The following RABIF variants were observed in gnomAD, a reference collection of about 807,000 sequenced individuals.
RABIF encodes RAB interacting factor, also known as guanine nucleotide exchange factor MSS4.
A neutral mutation model predicts 12.3 loss-of-function variants in RABIF; 13 were observed. The observed-to-expected ratio is 1.06, with a 90% CI of 0.69 to 1.68. RABIF has a LOEUF of 1.68. RABIF is among the 40% of genes most tolerant of loss of function. The probability of loss-of-function intolerance (pLI) is 0.00; values close to 1 mark genes in which losing one functional copy is unlikely to be tolerated. For missense variants in RABIF, 153 were observed against 158.0 expected, an observed-to-expected ratio of 0.97 and a Z score of 0.17; for synonymous variants, 70 against 63.3, an observed-to-expected ratio of 1.11 and a Z score of -0.50.
intron 1 of RABIF, among the ~76,000 whole-genome samples, chr1:202,885,402 G>A (rs1659546722): frequency 6.6e-6 from 1 of 152,224 alleles, no homozygotes; most frequent in African/African-American, 2.4e-5. Flanking sequence ...ACTGGGTGGA[G>A]CGAGAGAGAA....
chr1:202,883,528 T>C (rs777314893), intron 1 of RABIF, among the ~76,000 whole-genome samples: 1 of 152,242 alleles, frequency 6.6e-6, no homozygotes, highest in Admixed American at 6.5e-5. Context: ...TTATCCCCTA[T>C]ACTGTAGGTG....
intron 1 of RABIF, among the ~76,000 whole-genome samples, chr1:202,881,607 C>T (rs1659492610): frequency 1.3e-5 from 2 of 152,170 alleles, no homozygotes; most frequent in Non-Finnish European, 2.9e-5. Context: ...TGGGGTTTCA[C>T]CGTGTTAGCC....
At chr1:202,888,624 T>C (rs1659599682) in intron 1 of RABIF, among the ~76,000 whole-genome samples, 1 of 152,106 alleles carries the variant, frequency 6.6e-6, no homozygotes, top group Non-Finnish European at 1.5e-5. Context: ...AGAGCCGGAA[T>C]GGGGCGCCTC....
chr1:202,887,311 A>G (rs920134551), intron 1 of RABIF, among the ~76,000 whole-genome samples: 1 of 151,186 alleles, frequency 6.6e-6, no homozygotes, highest in Non-Finnish European at 1.5e-5. Flanking sequence ...CCCAACACAA[A>G]TTCGGAAACT....
intron 1 of RABIF, among the ~76,000 whole-genome samples, chr1:202,888,139 G>C (rs1183749951): frequency 6.6e-6 from 1 of 152,142 alleles, no homozygotes; most frequent in Non-Finnish European, 1.5e-5. Flanking sequence ...AAAATGATCT[G>C]CATATTTTTA....
chr1:202,881,988 T>A (rs1158818846), intron 1 of RABIF, among the ~76,000 whole-genome samples: 2 of 152,258 alleles, frequency 1.3e-5, no homozygotes, highest in African/African-American at 2.4e-5. Context: ...TTAAATAGTT[T>A]TATTGAGGTA....
chr1:202,888,973 C>T lies in RABIF; in HGVS notation c.126G>A (p.Gln42=). The T allele has an allele frequency of 3.2e-6, 5 of 1,560,150 alleles. No individual in the cohort carries two copies. The highest frequency in any genetic ancestry group is 4.3e-6 in the Non-Finnish European group (5 of 1,152,312). The change falls in exon 1 of 2, where the codon CAG becomes CAA. Residue 42 remains glutamine, a splice_region_variant and synonymous_variant. Transcript: ENST00000367262. ...AACGGCCTCCAACCTGCCTCCCTAC[C>T]TGTCGGCGAGAGAAGAGAGCGGTCC... ...QPGTALFSRR[Q]LFLPSMRKKP...
rs555087204 is a variant in RABIF, at chr1:202,882,367, G to A, written c.127-1144C>T. 2.6e-5 allele frequency among the ~76,000 whole-genome samples: 4 copies of A among 152,238 alleles called. No homozygotes were observed. The South Asian group carries it at 6.2e-4, about 24-fold the overall frequency. Reference sequence around the variant, plus strand: ...CCACTGCTCTCCAGCCTGGGCGACAGAGCGAGACTCTGTCTCAAAAACAAC... The same window carrying A: ...CCACTGCTCTCCAGCCTGGGCGACAAAGCGAGACTCTGTCTCAAAAACAAC... On this transcript the variant is annotated intron_variant, in intron 1 of 1. Transcript: ENST00000367262.
Position 202,880,995 on chromosome 1 carries a change from GT to G in RABIF, c.354del (p.Glu118AspfsTer8). ...CCCCTCAGTTACTCATGGGAAACTCGTTCCAAGGCCACATAGAAACTGTTCT... is the reference window on the plus strand; with the variant it reads ...CCCCTCAGTTACTCATGGGAAACTCGTCCAAGGCCACATAGAAACTGTTCT... ...DDKNSFYVAL[E>X]RVSHE On this transcript the variant is annotated frameshift_variant, in exon 2 of 2. Coordinates refer to ENST00000367262, the MANE Select transcript of RABIF (RefSeq NM_002871.5). LOFTEE classifies it high-confidence loss of function. The G allele has an allele frequency of 1.2e-6, 2 of 1,614,062 alleles. No individual in the cohort carries two copies. Among genetic ancestry groups the G allele is most frequent in the Non-Finnish European group, 1.7e-6 (2 of 1,179,966 alleles).
chr1:202,888,950 C>A, intron 1 of RABIF, 23 bp downstream of exon 1: 2 of 1,522,114 alleles, frequency 1.3e-6, no homozygotes, highest in Non-Finnish European at 1.8e-6. Flanking sequence ...TGGGTGTAAA[C>A]GGCCTCCAAC....
chr1:202,887,343 T>A (rs879733744), intron 1 of RABIF, among the ~76,000 whole-genome samples: 80 of 151,380 alleles, frequency 5.3e-4, no homozygotes, highest in African/African-American at 1.7e-3. Flanking sequence ...TTATGAAAAA[T>A]TTTTTTTTTT....
chr1:202,888,317 C>G (rs1162715834), intron 1 of RABIF, among the ~76,000 whole-genome samples: 1 of 151,960 alleles, frequency 6.6e-6, no homozygotes, highest in African/African-American at 2.4e-5. Flanking sequence ...AGTTTTTCTT[C>G]GAAATTTACT....
At position 202,881,143 on chromosome 1, in the gene RABIF, C is replaced by A; in HGVS notation, c.207G>T (p.Trp69Cys). The change falls in exon 2 of 2, where the codon TGG (tryptophan) becomes TGT (cysteine). Residue 69 changes from tryptophan (W) to cysteine (C), a missense_variant. Around this residue, in one of 2 missense-constraint regions of RABIF, gnomAD observed 113 missense variants for 90.9 expected, o/e 1.24. Transcript: ENST00000367262. ...NPDGDLLQEH[W>C]LVEDMFIFEN... is the part of the protein sequence containing the mutation. ...CAAAAATGAACATGTCCTCAACCAG[C>A]CAGTGTTCCTGGAGGAGATCGCCGT... 1 of 1,614,170 alleles carries A rather than the reference C, an allele frequency of 6.2e-7. No individual in the cohort carries two copies. Among genetic ancestry groups the A allele is most frequent in the Admixed American group, 1.7e-5 (1 of 60,010 alleles).
At chr1:202,887,197 G>C (rs1023054393) in intron 1 of RABIF, among the ~76,000 whole-genome samples, 1 of 152,094 alleles carries the variant, frequency 6.6e-6, no homozygotes, top group African/African-American at 2.4e-5. Context: ...ACTCGGCACA[G>C]TGCTAAGTGC....
Position 202,879,802 on chromosome 1 carries a change from T to C in RABIF, c.*1176A>G, listed in dbSNP as rs897737267. 1.3e-5 allele frequency: 2 copies of C among 152,318 alleles called. No individual in the cohort carries two copies. Among genetic ancestry groups the C allele is most frequent in the South Asian group, 2.1e-4 (1 of 4,832 alleles). The allele number at this position is 152,318 out of a possible 1,614,324, so 9.4% of individuals were successfully genotyped here. A position where few individuals can be genotyped will look rare whatever the true frequency, so the allele number is the denominator to read the frequency against. ...TTTCAATTTTAGGCCTCCTGAATAG[T>C]AGAGGTGGTGACAGGAGGATACCTG... is the stretch of plus-strand genomic sequence containing the variant. On this transcript the variant is annotated 3_prime_UTR_variant, in exon 2 of 2. Transcript: ENST00000367262.
chr1:202,888,703 C>T (rs1016496549), intron 1 of RABIF, among the ~76,000 whole-genome samples: 1 of 152,150 alleles, frequency 6.6e-6, no homozygotes, highest in Non-Finnish European at 1.5e-5. Context: ...TCGAAGCCCC[C>T]CCGGGGGCAG....
chr1:202,878,561 A>T lies in RABIF; in HGVS notation c.*2417T>A, dbSNP rs749579872. On this transcript the variant is annotated 3_prime_UTR_variant, in exon 2 of 2. Transcript: ENST00000367262. The stretch of plus-strand genomic sequence containing the variant: ...GAAGTCCTCATAGTTACTCAGTTAC[A>T]TGTGTAGCCTCATATACAACATGGT... 6.6e-6 allele frequency among the ~76,000 whole-genome samples: 1 copy of T among 152,262 alleles called. No homozygotes were observed. The highest frequency in any genetic ancestry group is 2.4e-5 in the African/African-American group (1 of 41,476).
rs377623944 is a variant in RABIF, at chr1:202,879,020, A to G, written c.*1958T>C. 6.6e-5 allele frequency: 10 copies of G among 152,210 alleles called. No individual in the cohort carries two copies. The highest frequency in any genetic ancestry group is 2.2e-4 in the African/African-American group (9 of 41,444). 9.4% of individuals were successfully genotyped at this position (152,210 alleles called of 1,614,324 possible). A position where few individuals can be genotyped will look rare whatever the true frequency, so the allele number is the denominator to read the frequency against. Reference sequence around the variant, plus strand: ...ACTGAAAAGGCAGAATAGCAACCTGATATTTTTGGCTACTAGGGCAACATT... The same window carrying G: ...ACTGAAAAGGCAGAATAGCAACCTGGTATTTTTGGCTACTAGGGCAACATT... On this transcript the variant is annotated 3_prime_UTR_variant, in exon 2 of 2. Coordinates refer to ENST00000367262, the MANE Select transcript of RABIF (RefSeq NM_002871.5).
chr1:202,887,439 A>G (rs1381620301), intron 1 of RABIF, among the ~76,000 whole-genome samples: 4 of 151,940 alleles, frequency 2.6e-5, no homozygotes, highest in Non-Finnish European at 4.4e-5. Context: ...AGGGAAGCCA[A>G]AAGACTGGAC....
Sources: allele counts gnomAD v4.1 joint callset (sites outside exome capture counted in the v4.1 genomes callset), GRCh38; gene constraint gnomAD v4.1.1; regional missense constraint gnomAD v4.1.1; transcripts MANE v1.5; gene names NCBI Gene and HGNC (gene_info 2026-07-23, HGNC 2026-07-21).